Variants in ENOX1 observed in about 807,000 individuals in gnomAD.
The protein encoded by ENOX1 is ecto-NOX disulfide-thiol exchanger 1, also known as candidate growth-related and time keeping constitutive hydroquinone (NADH) oxidase.
A neutral mutation model predicts 82.5 loss-of-function variants in ENOX1; 42 were observed. The observed-to-expected ratio is 0.51, with a 90% CI of 0.40 to 0.66. ENOX1 has a LOEUF of 0.66. Ranked by LOEUF, ENOX1 falls within the 30% of genes least tolerant of loss-of-function variation. ENOX1 has a pLI of 0.00. For missense variants in ENOX1, 608 were observed against 811.6 expected (o/e 0.75, Z 3.05); for synonymous variants, 271 against 282.2 (o/e 0.96, Z 0.40).
rs1266319206 is a variant in ENOX1 at position 43,418,872 on chromosome 13, C to G, written c.-74-5884G>C. ...TATTTCATTGGGCTAGATAATGGGG[C>G]AAATATTTTTTGAAACTTATCAAGT... On this transcript the variant is annotated intron_variant, in intron 3 of 16. Coordinates refer to ENST00000690772, the MANE Select transcript of ENOX1 (RefSeq NM_001347969.2). Among the ~76,000 whole-genome samples, 4 of 152,098 alleles carry G rather than the reference C, an allele frequency of 2.6e-5. No homozygotes were observed. In the East Asian group the frequency reaches 7.7e-4, roughly 29 times the overall value.
chr13:43,739,702 T>C (rs9567257), intron 1 of ENOX1, among the ~76,000 whole-genome samples: 2 of 152,044 alleles, frequency 1.3e-5, no homozygotes, highest in East Asian at 3.9e-4. Context: ...ATAAATAAGA[T>C]GGTTAAATAA....
intron 1 of ENOX1, among the ~76,000 whole-genome samples, chr13:43,765,721 C>T (rs1594740742): frequency 6.6e-6 from 1 of 152,288 alleles, no homozygotes; most frequent in South Asian, 2.1e-4. Flanking sequence ...AAACTGACTT[C>T]ACCAACTTTC....
chr13:43,494,076 C>T (rs775261977), intron 2 of ENOX1, among the ~76,000 whole-genome samples: 50 of 152,164 alleles, frequency 3.3e-4, no homozygotes, highest in Admixed American at 7.9e-4. Flanking sequence ...GGAAAAACTG[C>T]CCTTATGATT....
At chr13:43,575,874 T>C (rs765711501) in intron 2 of ENOX1, among the ~76,000 whole-genome samples, 1 of 152,214 alleles carries the variant, frequency 6.6e-6, no homozygotes. Flanking sequence ...ACTTTGATTG[T>C]ATTTTGGAGG....
intron 2 of ENOX1, among the ~76,000 whole-genome samples, chr13:43,609,107 A>G (rs1288363063): frequency 6.6e-6 from 1 of 152,206 alleles, no homozygotes; most frequent in Non-Finnish European, 1.5e-5. Context: ...TGTATTTTAT[A>G]GTCTAATCTT....
At chr13:43,279,724 C>T (rs369939013) in intron 12 of ENOX1, among the ~76,000 whole-genome samples, 1 of 152,132 alleles carries the variant, frequency 6.6e-6, no homozygotes, top group Non-Finnish European at 1.5e-5. Flanking sequence ...CTGTCATTAT[C>T]CTCTTTGCAA....
intron 12 of ENOX1, among the ~76,000 whole-genome samples, chr13:43,270,260 G>A (rs934349728): frequency 2.6e-5 from 4 of 152,212 alleles, no homozygotes; most frequent in South Asian, 2.1e-4. Context: ...TGCGCAGTGC[G>A]AATTCTTTGG....
chr13:43,320,972 T>C, intron 11 of ENOX1: 1 of 442,160 alleles, frequency 2.3e-6, no homozygotes. Context: ...AAAGCAGTCC[T>C]GAGGAATCTG....
chr13:43,602,044 C>T (rs532417695), intron 2 of ENOX1, among the ~76,000 whole-genome samples: 10 of 151,316 alleles, frequency 6.6e-5, no homozygotes, highest in African/African-American at 2.2e-4. Flanking sequence ...GACTAGTGGG[C>T]CAATGAAGAA....
chr13:43,372,148 T>A (rs1413283556), intron 5 of ENOX1, among the ~76,000 whole-genome samples: 1 of 152,220 alleles, frequency 6.6e-6, no homozygotes, highest in African/African-American at 2.4e-5. Context: ...CATAAATTCA[T>A]ATATGATTCT....
intron 5 of ENOX1, among the ~76,000 whole-genome samples, chr13:43,383,992 G>A (rs2052243673): frequency 6.6e-6 from 1 of 152,206 alleles, no homozygotes; most frequent in Admixed American, 6.5e-5. Flanking sequence ...GCATGAGACT[G>A]ATCGGCAGTG....
At chr13:43,676,530 G>T (rs1461895656) in intron 1 of ENOX1, among the ~76,000 whole-genome samples, 3 of 152,156 alleles carry the variant, frequency 2.0e-5, no homozygotes, top group Admixed American at 2.0e-4. Flanking sequence ...GTTTGTCCCT[G>T]TGAGTCATAC....
intron 3 of ENOX1, among the ~76,000 whole-genome samples, chr13:43,462,544 A>G (rs2057534517): frequency 6.6e-6 from 1 of 152,190 alleles, no homozygotes; most frequent in Non-Finnish European, 1.5e-5. Flanking sequence ...AGGCTTAATC[A>G]GAGATAAATT....
intron 5 of ENOX1, among the ~76,000 whole-genome samples, chr13:43,373,830 A>G (rs1048805958): frequency 6.6e-6 from 1 of 152,230 alleles, no homozygotes; most frequent in African/African-American, 2.4e-5. Flanking sequence ...GAATAATTTA[A>G]CTAACAAATT....
chr13:43,616,204 A>ATATATATATATATATATATATATAT (rs1457149422), intron 2 of ENOX1, among the ~76,000 whole-genome samples: 3 of 15,300 alleles, frequency 2.0e-4, no homozygotes, highest in East Asian at 6.8e-3. Context: ...ATATATATAT[A>ATATATATATATATATATATATATAT]TTTTTTTTTT....
chr13:43,402,044 A>T (rs1259649455), intron 5 of ENOX1, among the ~76,000 whole-genome samples: 1 of 152,196 alleles, frequency 6.6e-6, no homozygotes, highest in Non-Finnish European at 1.5e-5. Flanking sequence ...GAAAAATAAG[A>T]CCTATCATAA....
At chr13:43,616,201 T>TCTATCTATCTAGATAGATAGATAG (rs2082462505) in intron 2 of ENOX1, among the ~76,000 whole-genome samples, 1 of 17,120 alleles carries the variant, frequency 5.8e-5, no homozygotes, top group African/African-American at 8.2e-5. Context: ...TATATATATA[T>TCTATCTATCTAGATAGATAGATAG]ATATTTTTTT....
intron 2 of ENOX1, among the ~76,000 whole-genome samples, chr13:43,599,595 G>A (rs1184455855): frequency 6.6e-6 from 1 of 151,960 alleles, no homozygotes; most frequent in East Asian, 2.0e-4. Context: ...AGGCAGTCTA[G>A]GCTAAAAGGA....
intron 2 of ENOX1, among the ~76,000 whole-genome samples, chr13:43,551,107 T>C (rs2079176003): frequency 6.6e-6 from 1 of 152,180 alleles, no homozygotes; most frequent in Non-Finnish European, 1.5e-5. Context: ...TTAACTTCAC[T>C]GGGATTTTTA....
Sources: gnomAD v4.1 joint callset for allele counts (sites outside exome capture counted in the v4.1 genomes callset) on GRCh38, gnomAD v4.1.1 for gene constraint, MANE v1.5 for transcripts, NCBI Gene and HGNC (gene_info 2026-07-23, HGNC 2026-07-21) for gene names.